Variants in CNTNAP5 observed in about 807,000 individuals in gnomAD.
CNTNAP5 encodes the protein contactin associated protein family member 5, also known as contactin-associated protein-like 5.
In CNTNAP5, 72 loss-of-function variants were observed where a neutral mutation model predicts 150.2. That is an observed-to-expected ratio of 0.48 (90% CI 0.40 to 0.58). CNTNAP5 has a LOEUF of 0.58. Among genes scored for constraint, CNTNAP5 ranks in the 20% least tolerant of loss-of-function variants. The pLI, the probability that CNTNAP5 is intolerant of heterozygous loss-of-function variation, is 0.00. For synonymous variants in CNTNAP5, 672 were observed against 619.8 expected, an observed-to-expected ratio of 1.08 and a Z score of -1.25; for missense variants, 1,636 against 1,626.2, an observed-to-expected ratio of 1.01 and a Z score of -0.10.
chr2:124,902,706 A>T (rs1006659831), intron 21 of CNTNAP5, among the ~76,000 whole-genome samples, 176 bp from the exon 22 acceptor site: 2 of 152,162 alleles, frequency 1.3e-5, no homozygotes, highest in African/African-American at 4.8e-5. Context: ...TGATGCTTGC[A>T]TTGGGAGTGG....
chr2:124,249,580 G>C (rs538743168), intron 3 of CNTNAP5, among the ~76,000 whole-genome samples: 2 of 152,130 alleles, frequency 1.3e-5, no homozygotes, highest in African/African-American at 4.8e-5. Context: ...GCCCCCATCC[G>C]CTTTGGGTTG....
At chr2:124,419,688 A>G (rs1692032739) in intron 4 of CNTNAP5, among the ~76,000 whole-genome samples, 1 of 152,312 alleles carries the variant, frequency 6.6e-6, no homozygotes, top group African/African-American at 2.4e-5. Flanking sequence ...GTTGTCGGAC[A>G]CAGAATGTCT....
At chr2:124,724,163 AATAATAATAATAATG>A (rs1357891736) in intron 13 of CNTNAP5, among the ~76,000 whole-genome samples, 2 of 149,882 alleles carry the variant, frequency 1.3e-5, no homozygotes, top group African/African-American at 2.5e-5. Flanking sequence ...TAATAATAAT[AATAATAATAATAATG>A]ATGATACAGA....
chr2:124,199,578 G>A (rs958746416), intron 1 of CNTNAP5, among the ~76,000 whole-genome samples: 1 of 151,958 alleles, frequency 6.6e-6, no homozygotes, highest in Admixed American at 6.6e-5. Context: ...ACCACACCCA[G>A]CTAATTTTTT....
chr2:124,373,649 GTAAAA>G (rs928748776), intron 3 of CNTNAP5, among the ~76,000 whole-genome samples: 21 of 151,810 alleles, frequency 1.4e-4, no homozygotes, highest in African/African-American at 4.6e-4. Context: ...TTTCAAAAAA[GTAAAA>G]TAAAAATAAA....
intron 19 of CNTNAP5, among the ~76,000 whole-genome samples, chr2:124,851,131 G>T (rs565826517): frequency 6.6e-6 from 1 of 152,146 alleles, no homozygotes; most frequent in African/African-American, 2.4e-5. Context: ...TTGGGAGGCC[G>T]AGGCAGGTGG....
chr2:124,560,553 G>C (rs1263309710), intron 10 of CNTNAP5, among the ~76,000 whole-genome samples: 1 of 150,194 alleles, frequency 6.7e-6, no homozygotes, highest in Admixed American at 6.7e-5. Context: ...TGCAGAAAAC[G>C]TTTCTTTTTC....
At chr2:124,176,724 T>C (rs1168725585) in intron 1 of CNTNAP5, among the ~76,000 whole-genome samples, 1 of 152,052 alleles carries the variant, frequency 6.6e-6, no homozygotes, top group Non-Finnish European at 1.5e-5. Context: ...TCTAGCTTCT[T>C]CTCTGACTCT....
chr2:124,776,667 G>A lies in CNTNAP5; in HGVS notation c.2752+3650G>A, dbSNP rs76507918. Among the ~76,000 whole-genome samples, 134 of 152,204 alleles carry A rather than the reference G, an allele frequency of 8.8e-4. 1 individual carries two copies. In the East Asian group the frequency reaches 0.021, roughly 24 times the overall value. On this transcript the variant is annotated intron_variant, in intron 17 of 23. Transcript: ENST00000682447. Reference sequence around the variant, plus strand: ...CATGAAGATAGCCTTCCTGAAGCACGCCTGTAGTGCTTTCCATTAGGCATG... The same window carrying A: ...CATGAAGATAGCCTTCCTGAAGCACACCTGTAGTGCTTTCCATTAGGCATG...
intron 13 of CNTNAP5, among the ~76,000 whole-genome samples, chr2:124,710,291 A>C (rs1376983828): frequency 6.6e-6 from 1 of 152,200 alleles, no homozygotes; most frequent in Admixed American, 6.5e-5. Flanking sequence ...GAAGATTAAA[A>C]GCACTGTATG....
intron 13 of CNTNAP5, among the ~76,000 whole-genome samples, chr2:124,702,193 A>G (rs1448935643): frequency 2.0e-5 from 3 of 151,938 alleles, no homozygotes; most frequent in Non-Finnish European, 4.4e-5. Flanking sequence ...ACAAAACCAA[A>G]TTCTTCTGCC....
Position 124,486,163 on chromosome 2 carries a change from G to A in CNTNAP5, c.1062+11281G>A, listed in dbSNP as rs76173027. Among the ~76,000 whole-genome samples the A allele has an allele frequency of 5.9e-3, 892 of 152,332 alleles. 6 individuals carry two copies. The highest frequency in any genetic ancestry group is 0.02 in the African/African-American group (826 of 41,576). On this transcript the variant is annotated intron_variant, in intron 7 of 23. Coordinates refer to ENST00000682447, the MANE Select transcript of CNTNAP5 (RefSeq NM_001367498.1). ...TAATGGCATGTGGAGAAACCTGGAT[G>A]GAATTAGAGACTATTATTCTACGTG...
At chr2:124,389,735 G>A (rs568395422) in intron 3 of CNTNAP5, among the ~76,000 whole-genome samples, 1 of 152,274 alleles carries the variant, frequency 6.6e-6, no homozygotes, top group African/African-American at 2.4e-5. Context: ...GGGAGGCTTA[G>A]TGGGAGGATT....
chr2:124,444,407 A>G (rs1478710738), intron 5 of CNTNAP5, among the ~76,000 whole-genome samples: 1 of 152,106 alleles, frequency 6.6e-6, no homozygotes, highest in African/African-American at 2.4e-5. Context: ...CAGCCGGGTC[A>G]ATGTGGTGAA....
intron 13 of CNTNAP5, among the ~76,000 whole-genome samples, chr2:124,711,817 G>C (rs922579026): frequency 3.3e-5 from 5 of 152,100 alleles, no homozygotes; most frequent in Admixed American, 2.6e-4. Flanking sequence ...CTCCAGCATG[G>C]ACAGCAGAGC....
chr2:124,663,314 G>A (rs970386455), intron 13 of CNTNAP5, among the ~76,000 whole-genome samples: 1 of 152,150 alleles, frequency 6.6e-6, no homozygotes, highest in Non-Finnish European at 1.5e-5. Context: ...ATTTTAGCTA[G>A]TAAACTAGTA....
chr2:124,262,307 A>G (rs998822505), intron 3 of CNTNAP5, among the ~76,000 whole-genome samples: 2 of 152,176 alleles, frequency 1.3e-5, no homozygotes, highest in Non-Finnish European at 2.9e-5. Flanking sequence ...GATATATAAT[A>G]GAAAAGTATG....
In CNTNAP5 at chr2:124,025,462, C is replaced by A; in HGVS notation, c.-189C>A. The A allele has an allele frequency of 1.6e-6, 1 of 609,954 alleles. No individual in the cohort carries two copies. The highest frequency in any genetic ancestry group is 1.9e-5 in the South Asian group (1 of 52,922). 37.8% of individuals were successfully genotyped at this position (609,954 alleles called of 1,614,324 possible). A position where few individuals can be genotyped will look rare whatever the true frequency, so the allele number is the denominator to read the frequency against. On this transcript the variant is annotated 5_prime_UTR_variant, in exon 1 of 24. Coordinates refer to ENST00000682447, the MANE Select transcript of CNTNAP5 (RefSeq NM_001367498.1). ...GCGGGGACCGTAGCCCCAGCTGCAG[C>A]TCCGAAGAATCCCCCGCCACGGTTT...
chr2:124,331,089 C>G (rs1451911710), intron 3 of CNTNAP5, among the ~76,000 whole-genome samples: 1 of 151,964 alleles, frequency 6.6e-6, no homozygotes, highest in African/African-American at 2.4e-5. Flanking sequence ...TTCCATATAT[C>G]TTTAAAGACA....
Sources: gnomAD v4.1 joint callset for allele counts (sites outside exome capture counted in the v4.1 genomes callset) on GRCh38, gnomAD v4.1.1 for gene constraint, MANE v1.5 for transcripts, NCBI Gene and HGNC (gene_info 2026-07-23, HGNC 2026-07-21) for gene names.